The following SORCS2 variants were observed in gnomAD, a reference collection of about 807,000 sequenced individuals.
SORCS2 encodes the protein sortilin related VPS10 domain containing receptor 2, also known as VPS10 domain-containing receptor SorCS2.
SORCS2 carries 100 observed loss-of-function variants against 141.6 expected under a neutral mutation model. That is an observed-to-expected ratio of 0.71 (90% confidence interval 0.60 to 0.83). SORCS2 has a LOEUF of 0.83. SORCS2 is among the 40% of genes least tolerant of loss of function. The pLI, the probability that SORCS2 is intolerant of heterozygous loss-of-function variation, is 0.00. For synonymous variants in SORCS2, 789 were observed against 676.9 expected (o/e 1.17, Z -2.57); for missense variants, 1,646 against 1,560.2 (o/e 1.05, Z -0.93).
intron 1 of SORCS2, among the ~76,000 whole-genome samples, chr4:7,243,331 A>T (rs1196397425): frequency 1.3e-5 from 2 of 152,182 alleles, no homozygotes; most frequent in African/African-American, 4.8e-5. Flanking sequence ...CTAAGCTGAG[A>T]ACCGAGGTTC....
intron 1 of SORCS2, among the ~76,000 whole-genome samples, chr4:7,309,412 G>C (rs1037111674): frequency 2.0e-5 from 3 of 152,194 alleles, no homozygotes; most frequent in African/African-American, 7.2e-5. Context: ...TCTTTAGCAA[G>C]TGTGAGAACG....
intron 3 of SORCS2, among the ~76,000 whole-genome samples, chr4:7,552,918 A>T (rs988231252): frequency 2.0e-5 from 3 of 152,144 alleles, no homozygotes; most frequent in Non-Finnish European, 2.9e-5. Flanking sequence ...GGTTAGAAAA[A>T]TGGATGGAGA....
At chr4:7,679,547 G>T (rs1723380719) in intron 9 of SORCS2, among the ~76,000 whole-genome samples, 1 of 152,332 alleles carries the variant, frequency 6.6e-6, no homozygotes. Flanking sequence ...GGAGCCACAG[G>T]CACACAGAGA....
chr4:7,227,676 C>T (rs79873990), intron 1 of SORCS2, among the ~76,000 whole-genome samples: 1,796 of 152,260 alleles, frequency 0.012, 36 homozygotes, highest in African/African-American at 0.041. Context: ...TCACCCACCG[C>T]GCTGCTTCCT....
intron 3 of SORCS2, among the ~76,000 whole-genome samples, chr4:7,579,870 C>T (rs1716030470): frequency 6.6e-6 from 1 of 152,086 alleles, no homozygotes; most frequent in Non-Finnish European, 1.5e-5. Flanking sequence ...TAGAGGGATC[C>T]AGGAAGGCTT....
At chr4:7,379,598 T>G (rs1384171527) in intron 1 of SORCS2, among the ~76,000 whole-genome samples, 1 of 152,204 alleles carries the variant, frequency 6.6e-6, no homozygotes, top group Non-Finnish European at 1.5e-5. Context: ...ACGCGGATAC[T>G]ATGGGTGTCC....
At chr4:7,440,307 G>C (rs1460887762) in intron 2 of SORCS2, among the ~76,000 whole-genome samples, 3 of 152,230 alleles carry the variant, frequency 2.0e-5, no homozygotes, top group Non-Finnish European at 4.4e-5. Context: ...TTGTTCTGGG[G>C]GGACAGAGTC....
intron 3 of SORCS2, among the ~76,000 whole-genome samples, chr4:7,624,640 C>G (rs1051049015): frequency 1.3e-5 from 2 of 152,256 alleles, no homozygotes; most frequent in African/African-American, 4.8e-5. Flanking sequence ...TTGCCTTCCA[C>G]TGTTCAATTA....
chr4:7,737,324 A>G (rs1307512827), intron 26 of SORCS2, 152 bp downstream of exon 26: 1 of 1,047,230 alleles, frequency 9.5e-7, no homozygotes, highest in East Asian at 2.7e-5. Flanking sequence ...GGTCGGGCCC[A>G]CTGTGTCCCC....
intron 2 of SORCS2, among the ~76,000 whole-genome samples, chr4:7,525,762 ATCACCTGTCCCCTCCTGCAG>A (rs1203822294): frequency 1.5e-4 from 13 of 86,500 alleles, no homozygotes; most frequent in East Asian, 7.4e-4. Flanking sequence ...CCCTCCTGCA[ATCACCTGTCCCCTCCTGCAG>A]TCACCTGTCC....
At chr4:7,266,495 A>C (rs918479114) in intron 1 of SORCS2, among the ~76,000 whole-genome samples, 2 of 152,124 alleles carry the variant, frequency 1.3e-5, no homozygotes, top group African/African-American at 4.8e-5. Context: ...GTCTCTGATC[A>C]TCTCCAGGGA....
At chr4:7,705,321 CT>C (rs1467338715) in intron 14 of SORCS2, among the ~76,000 whole-genome samples, 5 of 152,204 alleles carry the variant, frequency 3.3e-5, no homozygotes, top group Non-Finnish European at 7.3e-5. Flanking sequence ...GGATTTCAGC[CT>C]TCTGGCCTCC....
intron 26 of SORCS2, among the ~76,000 whole-genome samples, chr4:7,738,709 C>T (rs118035566): frequency 4.6e-5 from 7 of 152,258 alleles, no homozygotes; most frequent in South Asian, 4.2e-4. Context: ...ACGTGAGCGG[C>T]GGAAACCACT....
intron 3 of SORCS2, among the ~76,000 whole-genome samples, chr4:7,590,691 A>G (rs949374827): frequency 6.6e-6 from 1 of 152,212 alleles, no homozygotes; most frequent in Non-Finnish European, 1.5e-5. Flanking sequence ...GGGCCCACCC[A>G]TGGTCCCATC....
chr4:7,321,472 C>A lies in SORCS2; in HGVS notation c.481-74816C>A, dbSNP rs1251923156. 4.6e-5 allele frequency among the ~76,000 whole-genome samples: 7 copies of A among 152,348 alleles called. No homozygotes were observed. The South Asian group carries it at 1.5e-3, about 32-fold the overall frequency. ...CACAAATCAGTAGCACTGCTCTACA[C>A]CAACAATGCCCAGGCTGAGAATCAA... On this transcript the variant is annotated intron_variant, in intron 1 of 26. Transcript: ENST00000507866.
intron 1 of SORCS2, among the ~76,000 whole-genome samples, chr4:7,279,364 G>A (rs1186755372): frequency 6.6e-6 from 1 of 152,218 alleles, no homozygotes; most frequent in African/African-American, 2.4e-5. Context: ...CACAGCCAAA[G>A]TAATAAGGAA....
At chr4:7,644,117 T>C (rs1408434912) in intron 4 of SORCS2, among the ~76,000 whole-genome samples, 1 of 151,754 alleles carries the variant, frequency 6.6e-6, no homozygotes, top group Non-Finnish European at 1.5e-5. Context: ...AGGGAGAGGG[T>C]TTTACACTAG....
intron 1 of SORCS2, among the ~76,000 whole-genome samples, chr4:7,337,545 G>A (rs1720063472): frequency 6.6e-6 from 1 of 152,142 alleles, no homozygotes; most frequent in African/African-American, 2.4e-5. Flanking sequence ...TGTTGGAGGA[G>A]CTGGCAGGAG....
Position 7,377,356 on chromosome 4 carries a change from CG to C in SORCS2, c.481-18925del, listed in dbSNP as rs1553851222. On this transcript the variant is annotated intron_variant, in intron 1 of 26. Transcript: ENST00000507866. ...CCCAGTTCCAGAACTGGGGCTGTGA[CG>C]GGGGGGACAGATCGGACCTTCTGCC... 3.3e-5 allele frequency among the ~76,000 whole-genome samples: 5 copies of C among 151,556 alleles called. No individual in the cohort carries two copies. The South Asian group carries it at 8.4e-4, about 25-fold the overall frequency.
Sources: allele counts gnomAD v4.1 joint callset (sites outside exome capture counted in the v4.1 genomes callset), GRCh38; gene constraint gnomAD v4.1.1; transcripts MANE v1.5; gene names NCBI Gene and HGNC (gene_info 2026-07-23, HGNC 2026-07-21).